FOXO3: variants seen among roughly 807,000 people sequenced by gnomAD.
FOXO3 encodes the protein forkhead box O3, also known as forkhead box protein O3.
In FOXO3, 4 loss-of-function variants were observed where a neutral mutation model predicts 41.9. The observed-to-expected ratio is 0.10, with a 90% CI of 0.05 to 0.22. The LOEUF (loss-of-function observed/expected upper bound fraction) is 0.22, where lower values mean the gene tolerates loss of function less well. Ranked by LOEUF, FOXO3 falls within the 10% of genes least tolerant of loss-of-function variation. The pLI is 1.00. For missense variants in FOXO3, 534 were observed against 906.8 expected, an observed-to-expected ratio of 0.59 and a Z score of 5.28; for synonymous variants, 318 against 389.3, an observed-to-expected ratio of 0.82 and a Z score of 2.16.
chr6:108,602,988 C>T (rs1433743116), intron 1 of FOXO3, among the ~76,000 whole-genome samples: 1 of 152,084 alleles, frequency 6.6e-6, no homozygotes, highest in African/African-American at 2.4e-5. Context: ...GGAAAATATA[C>T]TATATTTTCT....
intron 1 of FOXO3, among the ~76,000 whole-genome samples, chr6:108,609,861 C>G (rs2128368944): frequency 6.6e-6 from 1 of 152,302 alleles, no homozygotes; most frequent in South Asian, 2.1e-4. Flanking sequence ...GACAACAGGG[C>G]TCCTTTTGCC....
rs1422553282 is a variant in FOXO3 at position 108,680,682 on chromosome 6, G to A, written c.*890G>A. The A allele has an allele frequency of 2.7e-5, 4 of 148,148 alleles. No homozygotes were observed. In the Admixed American group the frequency reaches 2.8e-4, roughly 10 times the overall value. The allele number at this position is 148,148 out of a possible 1,614,324, so 9.2% of individuals were successfully genotyped here. ...CTAGAATATTGATATTTTCAGGAAA[G>A]AAATCAGCTCAGCTCTCCACTCATT... On this transcript the variant is annotated 3_prime_UTR_variant, in exon 3 of 3. Coordinates refer to ENST00000406360, the MANE Select transcript of FOXO3 (RefSeq NM_001455.4).
chr6:108,672,590 T>G (rs978928372), intron 2 of FOXO3, among the ~76,000 whole-genome samples: 5 of 152,210 alleles, frequency 3.3e-5, no homozygotes, highest in Admixed American at 2.6e-4. Flanking sequence ...GGCATTCGTT[T>G]ATTAAAGAAT....
At chr6:108,564,281 T>C (rs1775894144) in intron 1 of FOXO3, among the ~76,000 whole-genome samples, 1 of 152,232 alleles carries the variant, frequency 6.6e-6, no homozygotes, top group South Asian at 2.1e-4. Flanking sequence ...TTATGACTAA[T>C]AGGCAACCTT....
intron 1 of FOXO3, among the ~76,000 whole-genome samples, chr6:108,600,039 G>T (rs1394787627): frequency 6.6e-6 from 1 of 152,140 alleles, no homozygotes; most frequent in African/African-American, 2.4e-5. Context: ...TATAAGGAGG[G>T]TGGGAGGAGG....
intron 1 of FOXO3, among the ~76,000 whole-genome samples, chr6:108,585,938 A>T (rs1776569140): frequency 6.6e-6 from 1 of 152,126 alleles, no homozygotes; most frequent in Non-Finnish European, 1.5e-5. Flanking sequence ...TGGAAGAGAG[A>T]TGAGGGACAC....
intron 2 of FOXO3, among the ~76,000 whole-genome samples, chr6:108,669,992 C>G (rs1016263695): frequency 6.6e-6 from 1 of 152,206 alleles, no homozygotes; most frequent in African/African-American, 2.4e-5. Context: ...TAATGCTCAG[C>G]AGCATCTTGT....
chr6:108,630,245 C>T (rs1278011083), intron 1 of FOXO3, among the ~76,000 whole-genome samples: 1 of 151,856 alleles, frequency 6.6e-6, no homozygotes, highest in Non-Finnish European at 1.5e-5. Flanking sequence ...GAGGAGGGTA[C>T]AAGGAAGGCA....
intron 1 of FOXO3, among the ~76,000 whole-genome samples, chr6:108,595,775 AC>A (rs1020742521): frequency 2.0e-5 from 3 of 152,162 alleles, no homozygotes; most frequent in Non-Finnish European, 4.4e-5. Context: ...TTTGCACACA[AC>A]ATGAAATTAG....
rs1190557630 is a variant in FOXO3 at position 108,681,702 on chromosome 6, C to T, written c.*1910C>T. On this transcript the variant is annotated 3_prime_UTR_variant, in exon 3 of 3. Transcript: ENST00000406360. ...ATTGTGGTTATAGTAGACTGTAGCA[C>T]ATTGCCTTTTCTAAACTGCTACATG... 6.6e-6 allele frequency: 1 copy of T among 152,204 alleles called. No individual in the cohort carries two copies. The highest frequency in any genetic ancestry group is 2.4e-5 in the African/African-American group (1 of 41,348). The allele number at this position is 152,204 out of a possible 1,614,324, so 9.4% of individuals were successfully genotyped here.
At position 108,663,858 on chromosome 6, in the gene FOXO3, C is replaced by G; in HGVS notation, c.1025C>G (p.Pro342Arg). ...GATGAAGTCCAGGACGATGATGCGCCTCTCTCGCCCATGCTCTACAGCAGC... is the reference window on the plus strand; with the variant it reads ...GATGAAGTCCAGGACGATGATGCGCGTCTCTCGCCCATGCTCTACAGCAGC... The part of the protein sequence containing the change: ...ELDEVQDDDA[P>R]LSPMLYSSSA... Residue 342 changes from proline (P) to arginine (R), a missense_variant, in exon 2 of 3, where the codon CCT (proline) becomes CGT (arginine). Transcript: ENST00000406360. The G allele has an allele frequency of 1.2e-6, 2 of 1,613,900 alleles. No individual in the cohort carries two copies. The highest frequency in any genetic ancestry group is 1.7e-6 in the Non-Finnish European group (2 of 1,179,784).
intron 1 of FOXO3, among the ~76,000 whole-genome samples, chr6:108,620,573 A>C (rs1347169471): frequency 6.6e-6 from 1 of 152,188 alleles, no homozygotes; most frequent in Non-Finnish European, 1.5e-5. Flanking sequence ...GAGCTGAGAT[A>C]ATTAGTATTA....
In FOXO3 at chr6:108,684,546, G is replaced by C. The variant is rs1286800208; in HGVS notation, c.*4754G>C. The C allele has an allele frequency of 2.6e-5, 4 of 152,526 alleles. No homozygotes were observed. The highest frequency in any genetic ancestry group is 9.7e-5 in the African/African-American group (4 of 41,410). The allele number at this position is 152,526 out of a possible 1,614,324, so 9.4% of individuals were successfully genotyped here. A position where few individuals can be genotyped will look rare whatever the true frequency, so the allele number is the denominator to read the frequency against. On this transcript the variant is annotated 3_prime_UTR_variant, in exon 3 of 3. Coordinates refer to ENST00000406360, the MANE Select transcript of FOXO3 (RefSeq NM_001455.4). ...CACTATCATATGGCATTCTTACTGA[G>C]GATTTTGTCTAACCATATGTTGCCA...
chr6:108,668,563 T>C (rs1779123213), intron 2 of FOXO3, among the ~76,000 whole-genome samples: 1 of 152,290 alleles, frequency 6.6e-6, no homozygotes, highest in African/African-American at 2.4e-5. Flanking sequence ...CTCACCTTAA[T>C]TTGATATCAA....
chr6:108,624,532 T>C (rs979820079), intron 1 of FOXO3, among the ~76,000 whole-genome samples: 12 of 152,180 alleles, frequency 7.9e-5, no homozygotes, highest in Non-Finnish European at 1.6e-4. Context: ...AGATTATTTG[T>C]AGTTGTTGGG....
intron 1 of FOXO3, among the ~76,000 whole-genome samples, 194 bp from the exon 2 acceptor site, chr6:108,663,261 A>G (rs1778925132): frequency 6.6e-6 from 1 of 152,244 alleles, no homozygotes. Context: ...AGTCCCAGTT[A>G]CAGGTGCTTC....
intron 1 of FOXO3, among the ~76,000 whole-genome samples, chr6:108,656,145 AAGAG>A (rs1297749266): frequency 5.3e-5 from 8 of 151,868 alleles, no homozygotes; most frequent in South Asian, 2.1e-4. Context: ...CAAAAAAAAA[AAGAG>A]AGAGGAGGGG....
At chr6:108,657,853 C>A (rs1778733022) in intron 1 of FOXO3, among the ~76,000 whole-genome samples, 1 of 152,162 alleles carries the variant, frequency 6.6e-6, no homozygotes, top group Non-Finnish European at 1.5e-5. Flanking sequence ...ACCTTTCCTG[C>A]TTTACCAACA....
At chr6:108,613,937 T>C (rs554178173) in intron 1 of FOXO3, among the ~76,000 whole-genome samples, 1 of 152,276 alleles carries the variant, frequency 6.6e-6, no homozygotes, top group South Asian at 2.1e-4. Flanking sequence ...CAATTCAAAA[T>C]TGTTTCTATT....
Sources: allele counts gnomAD v4.1 joint callset (sites outside exome capture counted in the v4.1 genomes callset), GRCh38; gene constraint gnomAD v4.1.1; transcripts MANE v1.5; gene names NCBI Gene and HGNC (gene_info 2026-07-23, HGNC 2026-07-21).